The following CHAF1A variants were observed in gnomAD, a reference collection of about 807,000 sequenced individuals.
CHAF1A encodes chromatin assembly factor 1 subunit A.
CHAF1A carries 5 observed loss-of-function variants against 93.2 expected under a neutral mutation model. That is an observed-to-expected ratio of 0.05 (90% CI 0.03 to 0.11). The LOEUF is 0.11. CHAF1A is among the 10% of genes least tolerant of loss of function. CHAF1A has a pLI of 1.00. For synonymous variants in CHAF1A, 504 were observed against 510.3 expected (o/e 0.99, Z 0.17); for missense variants, 1,102 against 1,259.9 (o/e 0.87, Z 1.90).
In CHAF1A at chr19:4,418,052, G is replaced by A; in HGVS notation, c.993G>A (p.Glu331=). The A allele has an allele frequency of 1.9e-6, 3 of 1,607,000 alleles. No individual in the cohort carries two copies. Among genetic ancestry groups the A allele is most frequent in the Non-Finnish European group, 2.5e-6 (3 of 1,176,928 alleles). Residue 331 remains glutamate (E), a synonymous_variant, in exon 4 of 15, where the codon GAG becomes GAA. Transcript: ENST00000301280. ...AGAAATTCGTCAAAGGCTCTACAGA[G>A]AAGAACAAGCTCAGACTGCAAAGAG... ...ITKKFVKGST[E]KNKLRLQRDQ...
chr19:4,442,877 G>A (rs541688227), intron 14 of CHAF1A, 48 bp from the exon 15 acceptor site: 2 of 1,398,408 alleles, frequency 1.4e-6, no homozygotes, highest in Admixed American at 2.5e-5. Flanking sequence ...CCCCCAGGGA[G>A]CCCAGAGGGC....
chr19:4,448,548 CAG>C, downstream of CHAF1A: 1 of 739,198 alleles, frequency 1.4e-6, no homozygotes. Flanking sequence ...GCGCTCATCA[CAG>C]AAAGGAAAAG....
At chr19:4,419,469 G>A (rs1043769876) in intron 4 of CHAF1A, among the ~76,000 whole-genome samples, 3 of 151,472 alleles carry the variant, frequency 2.0e-5, no homozygotes, top group African/African-American at 7.3e-5. Context: ...AGTCTCTGTT[G>A]CCCAGGCTGG....
intron 3 of CHAF1A, 116 bp downstream of exon 3, chr19:4,409,875 G>A (rs899559896): frequency 8.2e-6 from 10 of 1,213,464 alleles, no homozygotes; most frequent in South Asian, 1.5e-5. Flanking sequence ...CACGGGCTGG[G>A]TCCTGGGACT....
In CHAF1A at chr19:4,442,287, G is replaced by A; in HGVS notation, c.2716G>A (p.Glu906Lys). Residue 906 changes from glutamate to lysine, a missense_variant, in exon 14 of 15, where the codon GAG becomes AAG. Physicochemically the swap from Glu to Lys is moderately conservative, Grantham distance 56. Transcript: ENST00000301280. ...DMDGFQADTE[E>K]EEEEEGDCMI... is the part of the protein sequence containing the mutation. ...GGACGGCTTCCAGGCAGACACGGAG[G>A]AGGAGGAAGAGGAGGAGGGCGACTG... is the stretch of plus-strand genomic sequence containing the variant. 1 of 1,613,202 alleles carries A rather than the reference G, an allele frequency of 6.2e-7. No individual in the cohort carries two copies. Among genetic ancestry groups the A allele is most frequent in the South Asian group, 1.1e-5 (1 of 90,810 alleles).
chr19:4,441,853 G>A (rs553978444), intron 13 of CHAF1A, among the ~76,000 whole-genome samples: 2 of 152,236 alleles, frequency 1.3e-5, no homozygotes, highest in African/African-American at 4.8e-5. Context: ...AGTCGAGATC[G>A]CGCCACTGCA....
At chr19:4,431,354 C>A (rs983591684) in intron 11 of CHAF1A, among the ~76,000 whole-genome samples, 23 of 152,218 alleles carry the variant, frequency 1.5e-4, no homozygotes, top group Admixed American at 1.4e-3. Flanking sequence ...GTCTTGAACT[C>A]CTGACCTCCA....
downstream of CHAF1A, chr19:4,447,432 C>T: frequency 8.9e-7 from 1 of 1,127,594 alleles, no homozygotes; most frequent in South Asian, 1.3e-5. Context: ...CTGCTTGTGG[C>T]TCAACTCTCG....
chr19:4,429,054 C>G (rs1017406105), intron 8 of CHAF1A, 164 bp downstream of exon 8: 1 of 616,360 alleles, frequency 1.6e-6, no homozygotes, highest in African/African-American at 1.8e-5. Flanking sequence ...CTCCACCTGG[C>G]CTTCCTGTAA....
intron 13 of CHAF1A, among the ~76,000 whole-genome samples, chr19:4,436,505 G>A (rs1165524527): frequency 6.6e-6 from 1 of 152,214 alleles, no homozygotes; most frequent in Non-Finnish European, 1.5e-5. Flanking sequence ...CAAGCCCTGT[G>A]TGAGCAGTGC....
In CHAF1A at chr19:4,428,741, C is replaced by T. The variant is rs142984552; in HGVS notation, c.1455C>T (p.Thr485=). 3 of 1,614,064 alleles carry T rather than the reference C, an allele frequency of 1.9e-6. No homozygotes were observed. Among genetic ancestry groups the T allele is most frequent in the South Asian group, 1.1e-5 (1 of 91,094 alleles). Residue 485 remains threonine (T), a synonymous_variant, in exon 8 of 15, where the codon ACC becomes ACT. Coordinates refer to ENST00000301280, the MANE Select transcript of CHAF1A (RefSeq NM_005483.3). ...TGGTCCTGGCCCCTCGGCGTCGGAC[C>T]GCTTTCCATCCAGACCTCTGCAGTC... is the stretch of plus-strand genomic sequence containing the variant. ...EHMVLAPRRR[T]AFHPDLCSQL... is the part of the protein sequence containing the mutation.
Position 4,409,081 on chromosome 19 carries a change from G to A in CHAF1A, c.282G>A (p.Gly94=). 1 of 1,614,238 alleles carries A rather than the reference G, an allele frequency of 6.2e-7. No individual in the cohort carries two copies. Among genetic ancestry groups the A allele is most frequent in the Non-Finnish European group, 8.5e-7 (1 of 1,180,042 alleles). The part of the protein sequence containing the change: ...DIDFRPKLVN[G]KGPLDNFLRN... ...ACTTTAGACCGAAACTTGTCAACGGGAAGGGTCCCTTAGATAACTTTTTAA... is the reference window on the plus strand; with the variant it reads ...ACTTTAGACCGAAACTTGTCAACGGAAAGGGTCCCTTAGATAACTTTTTAA... Residue 94 remains glycine, a synonymous_variant, in exon 3 of 15, where the codon GGG becomes GGA. Coordinates refer to ENST00000301280, the MANE Select transcript of CHAF1A (RefSeq NM_005483.3).
chr19:4,412,237 C>T (rs1041858758), intron 3 of CHAF1A, among the ~76,000 whole-genome samples: 2 of 152,138 alleles, frequency 1.3e-5, no homozygotes, highest in Admixed American at 1.3e-4. Flanking sequence ...GTGATGTGAG[C>T]CATTTAGCAA....
chr19:4,445,915 G>T (rs1568187600), downstream of CHAF1A: 1 of 1,403,216 alleles, frequency 7.1e-7, no homozygotes, highest in Non-Finnish European at 9.5e-7. Flanking sequence ...GGGAAAGCAG[G>T]ATTCAAACCC....
chr19:4,430,854 AG>A, intron 11 of CHAF1A: 1 of 558,240 alleles, frequency 1.8e-6, no homozygotes, highest in East Asian at 3.1e-5. Flanking sequence ...CTTGCAAGCG[AG>A]GGGAGCCATA....
intron 10 of CHAF1A, 71 bp from the exon 11 acceptor site, chr19:4,430,478 T>C: frequency 9.5e-7 from 1 of 1,048,546 alleles, no homozygotes; most frequent in Admixed American, 1.7e-5. Context: ...GCGCCTGGCC[T>C]ACTTTGTTTT....
At chr19:4,447,635 G>C, downstream of CHAF1A, 4 of 1,613,824 alleles carry the variant, frequency 2.5e-6, no homozygotes, top group Non-Finnish European at 3.4e-6. Flanking sequence ...CCTGGGGTAG[G>C]TGGAGAAGGT....
At position 4,430,853 on chromosome 19, in the gene CHAF1A, G is replaced by A. The variant is rs1401121833; in HGVS notation, c.1947+212G>A. Reference sequence around the variant, plus strand: ...GCAGACGTAGGAGGAGCTTGCAAGCGAGGGGAGCCATAGGAGCAGACACCC... The same window carrying A: ...GCAGACGTAGGAGGAGCTTGCAAGCAAGGGGAGCCATAGGAGCAGACACCC... On this transcript the variant is annotated intron_variant, in intron 11 of 14. Transcript: ENST00000301280. The A allele has an allele frequency of 4.5e-5, 25 of 559,428 alleles. No homozygotes were observed. In the East Asian group the frequency reaches 4.9e-4, roughly 11 times the overall value. The allele number at this position is 559,428 out of a possible 1,614,324, so 34.7% of individuals were successfully genotyped here.
chr19:4,431,024 C>T (rs569348452), intron 11 of CHAF1A: 5 of 202,060 alleles, frequency 2.5e-5, no homozygotes, highest in East Asian at 1.4e-4. Context: ...AACCACCGCC[C>T]GAAATAAAAC....
Sources: gnomAD v4.1 joint callset for allele counts (sites outside exome capture counted in the v4.1 genomes callset) on GRCh38, gnomAD v4.1.1 for gene constraint, MANE v1.5 for transcripts, NCBI Gene and HGNC (gene_info 2026-07-23, HGNC 2026-07-21) for gene names.